The following TUSC3 variants were observed in gnomAD, a reference collection of about 807,000 sequenced individuals.
TUSC3 encodes the protein dolichyl-diphosphooligosaccharide--protein glycosyltransferase subunit TUSC3.
In TUSC3, 45 loss-of-function variants were observed where a neutral mutation model predicts 44.8. That is an observed-to-expected ratio of 1.00 (90% CI 0.79 to 1.29). TUSC3 has a LOEUF of 1.29. Among genes scored for constraint, TUSC3 ranks in the 50% most tolerant of loss-of-function variants. The pLI is 0.00. For missense variants in TUSC3, 519 were observed against 437.9 expected, an observed-to-expected ratio of 1.19 and a Z score of -1.65; for synonymous variants, 212 against 152.9, an observed-to-expected ratio of 1.39 and a Z score of -2.85.
intron 2 of TUSC3, among the ~76,000 whole-genome samples, chr8:15,489,223 GA>G (rs1338585887): frequency 3.3e-5 from 5 of 152,218 alleles, no homozygotes; most frequent in Non-Finnish European, 7.3e-5. Context: ...AGGACAACTT[GA>G]AGTAGGGGTT....
chr8:15,604,765 A>C lies in TUSC3; in HGVS notation c.139-18315A>C, dbSNP rs1448657421. Reference sequence around the variant, plus strand: ...TGTTAACTCTCTGAATATGGTTAGGACTGTGGTATTCTGCAGTAACTTAAT... The same window carrying C: ...TGTTAACTCTCTGAATATGGTTAGGCCTGTGGTATTCTGCAGTAACTTAAT... On this transcript the variant is annotated intron_variant, in intron 1 of 10. Coordinates refer to ENST00000503731, the MANE Select transcript of TUSC3 (RefSeq NM_006765.4). 1.8e-4 allele frequency among the ~76,000 whole-genome samples: 27 copies of C among 151,634 alleles called. 1 individual carries two copies. The Admixed American group carries it at 1.8e-3, about 10-fold the overall frequency.
chr8:15,788,271 A>C, the TUSC3 span, among the ~76,000 whole-genome samples: 1 of 152,162 alleles, frequency 6.6e-6, no homozygotes, highest in East Asian at 1.9e-4. Context: ...GTACTTATTT[A>C]AGAGTTAAAT....
At chr8:15,636,754 T>C (rs4537302) in intron 2 of TUSC3, among the ~76,000 whole-genome samples, 152,308 of 152,328 alleles carry the variant, frequency 1, 76,144 homozygotes, top group Middle Eastern at 1. Context: ...AAGACGAATG[T>C]TCCAGTGGGA....
At chr8:15,623,315 C>A in intron 2 of TUSC3, 66 bp downstream of exon 2, 2 of 1,400,722 alleles carry the variant, frequency 1.4e-6, no homozygotes, top group South Asian at 3.1e-5. Flanking sequence ...TTTTTATGTT[C>A]ATTTTAAGAT....
At chr8:15,837,889 A>T in the TUSC3 span, among the ~76,000 whole-genome samples, 1 of 152,190 alleles carries the variant, frequency 6.6e-6, no homozygotes, top group Non-Finnish European at 1.5e-5. Flanking sequence ...AAAATTATTT[A>T]TCAGTTTTTA....
At chr8:15,844,416 C>G in the TUSC3 span, among the ~76,000 whole-genome samples, 5 of 152,046 alleles carry the variant, frequency 3.3e-5, no homozygotes, top group East Asian at 9.7e-4. Context: ...GAAAAATAAA[C>G]AAATAATATG....
At chr8:15,756,713 G>T (rs1053555906) in intron 9 of TUSC3, among the ~76,000 whole-genome samples, 18 of 152,122 alleles carry the variant, frequency 1.2e-4, no homozygotes, top group Admixed American at 5.2e-4. Context: ...TACAAATACA[G>T]TGAGGCTTAT....
chr8:15,421,129 C>T (rs115722584), intron 1 of TUSC3, among the ~76,000 whole-genome samples: 3,499 of 152,214 alleles, frequency 0.023, 131 homozygotes, highest in African/African-American at 0.08. Context: ...TTCTGCAGTT[C>T]TTCCCCAGAG....
At chr8:15,492,789 A>G (rs1284050039) in intron 2 of TUSC3, among the ~76,000 whole-genome samples, 2 of 152,168 alleles carry the variant, frequency 1.3e-5, no homozygotes, top group South Asian at 4.1e-4. Context: ...AGGAAAAAAA[A>G]AAAAAGTGTA....
Position 15,550,363 on chromosome 8 carries a change from A to G in TUSC3, c.138+9795A>G, listed in dbSNP as rs754640563. ...CATGAGTTGCATGCTTAGATGTTGG[A>G]CATAGTGTAAATCATAAGAGAATAG... On this transcript the variant is annotated intron_variant, in intron 1 of 10. Transcript: ENST00000503731. Among the ~76,000 whole-genome samples the G allele has an allele frequency of 1.3e-4, 19 of 151,704 alleles. 2 individuals carry two copies. The highest frequency in any genetic ancestry group is 2.5e-4 in the Non-Finnish European group (17 of 67,904).
At chr8:15,699,499 G>A (rs1214902323) in intron 6 of TUSC3, among the ~76,000 whole-genome samples, 2 of 152,068 alleles carry the variant, frequency 1.3e-5, no homozygotes, top group Admixed American at 6.6e-5. Context: ...CATTAACAAT[G>A]GTAATATGAT....
At chr8:15,650,575 G>T in intron 2 of TUSC3, 122 bp from the exon 3 acceptor site, 2 of 719,090 alleles carry the variant, frequency 2.8e-6, no homozygotes, top group African/African-American at 1.8e-5. Context: ...TAAAAACTAT[G>T]CTTTTCTTAC....
At chr8:15,661,581 A>G (rs566915319) in intron 4 of TUSC3, among the ~76,000 whole-genome samples, 1 of 152,076 alleles carries the variant, frequency 6.6e-6, no homozygotes, top group African/African-American at 2.4e-5. Context: ...TACGAATTTC[A>G]AATATCTGAT....
the TUSC3 span, among the ~76,000 whole-genome samples, chr8:15,827,919 T>C: frequency 6.6e-6 from 1 of 151,990 alleles, no homozygotes; most frequent in Non-Finnish European, 1.5e-5. Flanking sequence ...TGAACTGTTA[T>C]GGATTCAATT....
At chr8:15,695,694 C>T (rs542948689) in intron 6 of TUSC3, among the ~76,000 whole-genome samples, 34 of 152,230 alleles carry the variant, frequency 2.2e-4, no homozygotes, top group African/African-American at 6.5e-4. Flanking sequence ...TTGATCAAAA[C>T]GCTGATAATG....
the TUSC3 span, among the ~76,000 whole-genome samples, chr8:15,789,438 C>A: frequency 1.3e-5 from 2 of 152,030 alleles, no homozygotes; most frequent in African/African-American, 4.8e-5. Flanking sequence ...ATTGTAGGTT[C>A]ATTTATCAGC....
At chr8:15,834,384 G>C in the TUSC3 span, among the ~76,000 whole-genome samples, 2 of 152,074 alleles carry the variant, frequency 1.3e-5, no homozygotes, top group Non-Finnish European at 2.9e-5. Context: ...AGTTCTGCCA[G>C]AACAAATCTG....
intron 3 of TUSC3, among the ~76,000 whole-genome samples, chr8:15,652,738 C>G (rs1016787926): frequency 6.6e-6 from 1 of 152,080 alleles, no homozygotes; most frequent in Non-Finnish European, 1.5e-5. Context: ...GATAGAAGTG[C>G]TATTCAATGT....
chr8:15,662,779 G>C (rs562303103), intron 5 of TUSC3, among the ~76,000 whole-genome samples: 1 of 152,106 alleles, frequency 6.6e-6, no homozygotes, highest in East Asian at 1.9e-4. Flanking sequence ...TCAACAAATG[G>C]AGTGTAAGGT....
Sources: allele counts gnomAD v4.1 joint callset (sites outside exome capture counted in the v4.1 genomes callset), GRCh38; gene constraint gnomAD v4.1.1; transcripts MANE v1.5; gene names NCBI Gene and HGNC (gene_info 2026-07-23, HGNC 2026-07-21).